ABCB1: variants seen among roughly 807,000 people sequenced by gnomAD.
ABCB1 encodes the protein ATP binding cassette subfamily B member 1.
Under a neutral mutation model 142.0 loss-of-function variants are expected in ABCB1, and 69 were observed. That is an observed-to-expected ratio of 0.49 (90% CI 0.40 to 0.59). The LOEUF (loss-of-function observed/expected upper bound fraction) is 0.59, where lower values mean the gene tolerates loss of function less well. ABCB1 is among the 20% of genes least tolerant of loss of function. The pLI, the probability that ABCB1 is intolerant of heterozygous loss-of-function variation, is 0.00. For synonymous variants in ABCB1, 532 were observed against 539.2 expected, an observed-to-expected ratio of 0.99 and a Z score of 0.18; for missense variants, 1,326 against 1,554.7, an observed-to-expected ratio of 0.85 and a Z score of 2.47.
intron 1 of ABCB1, among the ~76,000 whole-genome samples, chr7:87,683,406 C>T (rs1827128373): frequency 6.6e-6 from 1 of 152,176 alleles, no homozygotes; most frequent in Non-Finnish European, 1.5e-5. Flanking sequence ...TTTTGACATG[C>T]CTTCCTCAAT....
intron 26 of ABCB1, 21 bp from the exon 27 acceptor site, chr7:87,506,064 T>C (rs1390240066): frequency 6.2e-7 from 1 of 1,612,046 alleles, no homozygotes; most frequent in East Asian, 2.2e-5. Flanking sequence ...GGTTTTGTTG[T>C]TATGAAAGTA....
At chr7:87,682,230 CT>C (rs1228883990) in intron 1 of ABCB1, among the ~76,000 whole-genome samples, 1 of 152,208 alleles carries the variant, frequency 6.6e-6, no homozygotes, top group Non-Finnish European at 1.5e-5. Flanking sequence ...GCAATGACTC[CT>C]TCCACCAAAG....
intron 8 of ABCB1, among the ~76,000 whole-genome samples, chr7:87,559,013 T>C (rs1351015987): frequency 1.3e-5 from 2 of 152,184 alleles, no homozygotes; most frequent in Non-Finnish European, 2.9e-5. Flanking sequence ...ATGTTTTAGG[T>C]GAAACTGTCC....
chr7:87,548,162 GAGGGAAAGGAAGGGAAGGGA>G (rs1216155599), intron 14 of ABCB1, among the ~76,000 whole-genome samples: 4,672 of 40,288 alleles, frequency 0.12, 707 homozygotes, highest in Non-Finnish European at 0.14. Flanking sequence ...AAGGGAAGGG[GAGGGAAAGGAAGGGAAGGGA>G]AGGGAAAGGA....
At chr7:87,679,087 C>CTT (rs35353390) in intron 1 of ABCB1, among the ~76,000 whole-genome samples, 2 of 60,750 alleles carry the variant, frequency 3.3e-5, no homozygotes, top group Non-Finnish European at 6.0e-5. Context: ...AACACCCCAA[C>CTT]TTTTTTTTTT....
chr7:87,622,483 A>C (rs1820259869), intron 1 of ABCB1, among the ~76,000 whole-genome samples: 1 of 152,232 alleles, frequency 6.6e-6, no homozygotes, highest in Non-Finnish European at 1.5e-5. Context: ...TAAATTGGTA[A>C]AACATCTCTA....
chr7:87,554,063 T>C (rs545118729), intron 8 of ABCB1, 131 bp from the exon 9 acceptor site: 6 of 809,248 alleles, frequency 7.4e-6, no homozygotes, highest in African/African-American at 5.1e-5. Context: ...TGCTCATACA[T>C]TGACCCTATA....
chr7:87,684,173 G>A (rs188196757), intron 1 of ABCB1, among the ~76,000 whole-genome samples: 2 of 152,100 alleles, frequency 1.3e-5, no homozygotes, highest in African/African-American at 4.8e-5. Context: ...TTACAACAGG[G>A]TTTCTCAACA....
In ABCB1 at chr7:87,504,476, C is replaced by T. The variant is rs1814631216; in HGVS notation, c.3637-27G>A. 5 of 1,613,368 alleles carry T rather than the reference C, an allele frequency of 3.1e-6. No homozygotes were observed. The Admixed American group carries it at 5.0e-5, about 16-fold the overall frequency. ...TATTCCATAATCACATAGATTAATT[C>T]TCATAATAGTTCTTTTCCCTAATTC... On this transcript the variant is annotated intron_variant, in intron 27 of 27. Transcript: ENST00000622132.
upstream of ABCB1, chr7:87,602,935 T>G (rs1380981748): frequency 6.6e-6 from 1 of 152,182 alleles, no homozygotes; most frequent in Non-Finnish European, 1.5e-5. Flanking sequence ...CTCCTTAAGC[T>G]TCCTTAATTT....
intron 6 of ABCB1, 58 bp from the exon 7 acceptor site, chr7:87,566,299 C>T (rs1207476640): frequency 8.4e-6 from 13 of 1,554,210 alleles, no homozygotes; most frequent in Middle Eastern, 1.7e-4. Flanking sequence ...CAACTTTTCT[C>T]GTGAAGCCTG....
chr7:87,612,042 T>A (rs2130057108), intron 1 of ABCB1, among the ~76,000 whole-genome samples: 1 of 152,308 alleles, frequency 6.6e-6, no homozygotes, highest in South Asian at 2.1e-4. Context: ...CCACTGAATC[T>A]TGGCACAGGT....
intron 1 of ABCB1, among the ~76,000 whole-genome samples, chr7:87,622,368 A>G (rs935892911): frequency 2.0e-5 from 3 of 152,240 alleles, no homozygotes; most frequent in Non-Finnish European, 4.4e-5. Context: ...AAGTTAAAAT[A>G]TCAAAAAGAT....
chr7:87,513,474 C>T (rs924018416), intron 25 of ABCB1, among the ~76,000 whole-genome samples: 20 of 152,126 alleles, frequency 1.3e-4, no homozygotes, highest in African/African-American at 4.3e-4. Context: ...TCAACTCCAA[C>T]ATTTTGTTAT....
intron 3 of ABCB1, among the ~76,000 whole-genome samples, chr7:87,595,373 T>C (rs1819156455): frequency 6.6e-6 from 1 of 152,102 alleles, no homozygotes; most frequent in Non-Finnish European, 1.5e-5. Context: ...ATTTGCATAG[T>C]AATAAATAAT....
chr7:87,541,280 A>G, intron 18 of ABCB1, 77 bp downstream of exon 18: 1 of 1,006,838 alleles, frequency 9.9e-7, no homozygotes. Context: ...GGCCAATTAC[A>G]CTGATGTTTA....
chr7:87,706,015 A>T (rs1266420952), intron 1 of ABCB1, among the ~76,000 whole-genome samples: 1 of 151,810 alleles, frequency 6.6e-6, no homozygotes, highest in Non-Finnish European at 1.5e-5. Flanking sequence ...TTGTCCCCCC[A>T]TTTTCTTTGT....
rs752496425 is a variant in ABCB1 at position 87,626,776 on chromosome 7, G to T, written c.-330-25698C>A. 1.4e-4 allele frequency among the ~76,000 whole-genome samples: 18 copies of T among 132,360 alleles called. 1 individual carries two copies. The highest frequency in any genetic ancestry group is 9.1e-4 in the South Asian group (4 of 4,404). The allele number at this position is 132,360 out of a possible 152,430, so 86.8% of individuals were successfully genotyped here. ...TCATATATATGTCATATATATGTCA[G>T]AGAGAGAGAGAGAGAGAGAGATGGA... On this transcript the variant is annotated intron_variant, in intron 1 of 28. Transcript: ENST00000265724.
At chr7:87,683,373 G>T (rs1827125151) in intron 1 of ABCB1, among the ~76,000 whole-genome samples, 1 of 152,144 alleles carries the variant, frequency 6.6e-6, no homozygotes, top group Admixed American at 6.6e-5. Context: ...GGCACAAGAG[G>T]CCTAGGTTTT....
Sources: allele counts gnomAD v4.1 joint callset (sites outside exome capture counted in the v4.1 genomes callset), GRCh38; gene constraint gnomAD v4.1.1; transcripts MANE v1.5; gene names NCBI Gene and HGNC (gene_info 2026-07-23, HGNC 2026-07-21).